Variants in PDLIM3 observed in about 807,000 individuals in gnomAD.
PDLIM3 encodes the protein PDZ and LIM domain 3.
Under a neutral mutation model 37.3 loss-of-function variants are expected in PDLIM3, and 36 were observed. The observed-to-expected ratio is 0.97, with a 90% CI of 0.74 to 1.28. The LOEUF (loss-of-function observed/expected upper bound fraction) is 1.28. Among genes scored for constraint, PDLIM3 ranks in the 50% most tolerant of loss-of-function variants. PDLIM3 has a pLI of 0.00. For missense variants in PDLIM3, 454 were observed against 485.0 expected (o/e 0.94, Z 0.60); for synonymous variants, 174 against 182.4 (o/e 0.95, Z 0.37).
rs1486575827 is a variant in PDLIM3 at position 185,508,285 on chromosome 4, G to A, written c.662+14C>T. ...TTAGTTAATATGCCCATGGTTCAAA[G>A]AGACTCATATTACCTCATCAAAGGT... is the stretch of plus-strand genomic sequence containing the variant. On this transcript the variant is annotated intron_variant, in intron 5 of 7. Coordinates refer to ENST00000284767, the MANE Select transcript of PDLIM3 (RefSeq NM_014476.6). The A allele has an allele frequency of 5.6e-6, 9 of 1,613,040 alleles. No individual in the cohort carries two copies. In the African/African-American group the frequency reaches 6.7e-5, roughly 12 times the overall value.
At chr4:185,524,193 C>A (rs140298784) in intron 2 of PDLIM3, among the ~76,000 whole-genome samples, 2 of 152,178 alleles carry the variant, frequency 1.3e-5, no homozygotes, top group Non-Finnish European at 2.9e-5. Context: ...TCCAACCCTT[C>A]TCATGCATCT....
rs1235795926 is a variant in PDLIM3, at chr4:185,502,486, G to A, written c.906-3C>T. The A allele has an allele frequency of 6.2e-7, 1 of 1,613,934 alleles. No homozygotes were observed. Among genetic ancestry groups the A allele is most frequent in the Non-Finnish European group, 8.5e-7 (1 of 1,179,860 alleles). ...CCCGCGCCTTCACCACAGCACCGCT[G>A]TTGGGGAAGAAAACGAGCTCAAGTT... is the stretch of plus-strand genomic sequence containing the variant. On this transcript the variant is annotated splice_region_variant and splice_polypyrimidine_tract_variant and intron_variant, in intron 7 of 7. Transcript: ENST00000284767.
chr4:185,514,868 G>A lies in PDLIM3; in HGVS notation c.331-531C>T. 4 of 1,551,454 alleles carry A rather than the reference G, an allele frequency of 2.6e-6. No individual in the cohort carries two copies. Among genetic ancestry groups the A allele is most frequent in the Non-Finnish European group, 3.5e-6 (4 of 1,146,924 alleles). On this transcript the variant is annotated intron_variant, in intron 3 of 7. Transcript: ENST00000284767. The surrounding 1 kb of genome is among the most constrained non-coding windows in gnomAD (Gnocchi z 4.0). Reference sequence around the variant, plus strand: ...AAAAGGCTGGGCCCTTCTGTTGTGCGCGGTACCAATGGGTTTGAATTCCTG... The same window carrying A: ...AAAAGGCTGGGCCCTTCTGTTGTGCACGGTACCAATGGGTTTGAATTCCTG...
At position 185,514,945 on chromosome 4, in the gene PDLIM3, T is replaced by C. The variant is rs1331532085; in HGVS notation, c.331-608A>G. 7.1e-7 allele frequency: 1 copy of C among 1,407,082 alleles called. No individual in the cohort carries two copies. The highest frequency in any genetic ancestry group is 9.6e-7 in the Non-Finnish European group (1 of 1,041,200). 87.2% of individuals were successfully genotyped at this position (1,407,082 alleles called of 1,614,324 possible). A position where few individuals can be genotyped will look rare whatever the true frequency, so the allele number is the denominator to read the frequency against. On this transcript the variant is annotated intron_variant, in intron 3 of 7. Coordinates refer to ENST00000284767, the MANE Select transcript of PDLIM3 (RefSeq NM_014476.6). This position sits in a 1 kb window ranked among gnomAD's most constrained non-coding sequence, Gnocchi z 4.0. ...ACACAGCGCACAAGAAAGCCATTAG[T>C]GAGCGAAACCAACAGCATCACTACT...
intron 4 of PDLIM3, among the ~76,000 whole-genome samples, chr4:185,511,375 T>A (rs2095706303): frequency 6.6e-6 from 1 of 150,434 alleles, no homozygotes; most frequent in Admixed American, 6.6e-5. Context: ...CTACTTTTTT[T>A]TTTTTTTGAG....
chr4:185,508,769 G>GT (rs1422706373), intron 4 of PDLIM3, among the ~76,000 whole-genome samples: 1 of 152,196 alleles, frequency 6.6e-6, no homozygotes, highest in Non-Finnish European at 1.5e-5. Flanking sequence ...ATTGAAAAAA[G>GT]TTTAATAAAA....
chr4:185,509,595 A>G (rs1018509182), intron 4 of PDLIM3, among the ~76,000 whole-genome samples: 1 of 152,158 alleles, frequency 6.6e-6, no homozygotes, highest in Non-Finnish European at 1.5e-5. Flanking sequence ...ATACCAAGAG[A>G]TTTTTGTAAA....
At chr4:185,503,261 C>T (rs1370694092) in intron 7 of PDLIM3, among the ~76,000 whole-genome samples, 1 of 151,950 alleles carries the variant, frequency 6.6e-6, no homozygotes, top group East Asian at 1.9e-4. Context: ...CAAAACAAAA[C>T]AAAAAACCAG....
intron 4 of PDLIM3, among the ~76,000 whole-genome samples, chr4:185,508,866 A>G (rs1039244896): frequency 2.0e-5 from 3 of 152,264 alleles, no homozygotes; most frequent in Non-Finnish European, 4.4e-5. Context: ...AAAGTTGTAT[A>G]TGAAGTAGAA....
At chr4:185,513,409 CAGG>C (rs756722147) in intron 4 of PDLIM3, 1 of 951,982 alleles carries the variant, frequency 1.1e-6, no homozygotes, top group Non-Finnish European at 1.3e-6. Flanking sequence ...CTAGAGGGGC[CAGG>C]AGGTCACACA....
At chr4:185,533,826 A>G (rs2095748824) in intron 1 of PDLIM3, among the ~76,000 whole-genome samples, 2 of 152,208 alleles carry the variant, frequency 1.3e-5, no homozygotes, top group Admixed American at 1.3e-4. Context: ...TATTTCTTTT[A>G]TAAACACCTT....
At chr4:185,510,925 T>C (rs1348754532) in intron 4 of PDLIM3, among the ~76,000 whole-genome samples, 1 of 152,236 alleles carries the variant, frequency 6.6e-6, no homozygotes, top group African/African-American at 2.4e-5. Context: ...ACTGTGGATA[T>C]CACTGGGGAT....
At chr4:185,510,579 G>T (rs1244808125) in intron 4 of PDLIM3, among the ~76,000 whole-genome samples, 1 of 151,766 alleles carries the variant, frequency 6.6e-6, no homozygotes, top group Non-Finnish European at 1.5e-5. Context: ...TAATTTTTTT[G>T]ATATTTCAAG....
intron 1 of PDLIM3, among the ~76,000 whole-genome samples, chr4:185,526,851 C>T (rs1449732297): frequency 6.6e-6 from 1 of 152,178 alleles, no homozygotes; most frequent in Non-Finnish European, 1.5e-5. Flanking sequence ...ACCTTTAGGT[C>T]TAGGTTCAAA....
rs138512658 is a variant in PDLIM3 at position 185,524,132 on chromosome 4, T to C, written c.246-686A>G. Among the ~76,000 whole-genome samples the C allele has an allele frequency of 7.6e-4, 115 of 152,104 alleles. 2 individuals are homozygous for C. The highest frequency in any genetic ancestry group is 2.6e-3 in the African/African-American group (108 of 41,482). On this transcript the variant is annotated intron_variant, in intron 2 of 7. Coordinates refer to ENST00000284767, the MANE Select transcript of PDLIM3 (RefSeq NM_014476.6). ...CTACTGAGGCCACTGCAGAAGACAG[T>C]GAGTGATCTGCCAGGTGGATGTGTT... is the stretch of plus-strand genomic sequence containing the variant.
intron 4 of PDLIM3, among the ~76,000 whole-genome samples, chr4:185,511,103 G>T (rs2095705820): frequency 6.6e-6 from 1 of 152,130 alleles, no homozygotes; most frequent in African/African-American, 2.4e-5. Flanking sequence ...ATTTCTCTGG[G>T]GTGTGTACAG....
At chr4:185,506,311 C>T (rs2095697017) in intron 6 of PDLIM3, among the ~76,000 whole-genome samples, 1 of 152,202 alleles carries the variant, frequency 6.6e-6, no homozygotes, top group Admixed American at 6.5e-5. Context: ...CCTTTTGTGA[C>T]TTCACTTGGT....
At chr4:185,509,749 C>G (rs1225522633) in intron 4 of PDLIM3, among the ~76,000 whole-genome samples, 1 of 152,166 alleles carries the variant, frequency 6.6e-6, no homozygotes, top group East Asian at 1.9e-4. Context: ...AAGATTGTCT[C>G]TGGTCTCAAG....
chr4:185,525,387 T>C (rs2095731436), intron 1 of PDLIM3, among the ~76,000 whole-genome samples: 1 of 152,206 alleles, frequency 6.6e-6, no homozygotes, highest in South Asian at 2.1e-4. Flanking sequence ...ACATTTCATA[T>C]CCTTGTATCT....
Sources: gnomAD v4.1 joint callset for allele counts (sites outside exome capture counted in the v4.1 genomes callset) on GRCh38, gnomAD v4.1.1 for gene constraint, Gnocchi (gnomAD v3.1) non-coding constraint, MANE v1.5 for transcripts, NCBI Gene and HGNC (gene_info 2026-07-23, HGNC 2026-07-21) for gene names.